BEND6: variants seen among roughly 807,000 people sequenced by gnomAD.
The protein encoded by BEND6 is BEN domain containing 6, also known as BEN domain-containing protein 6.
Under a neutral mutation model 31.8 loss-of-function variants are expected in BEND6, and 24 were observed. The ratio of observed to expected loss-of-function variants is 0.75; its 90% CI spans 0.55 to 1.06. The LOEUF (loss-of-function observed/expected upper bound fraction) is 1.06. BEND6 is among the 50% of genes least tolerant of loss of function. The pLI is 0.00. For synonymous variants in BEND6, 109 were observed against 114.6 expected, an observed-to-expected ratio of 0.95 and a Z score of 0.31; for missense variants, 294 against 327.4, an observed-to-expected ratio of 0.90 and a Z score of 0.79.
chr6:56,999,019 G>A (rs530847735), intron 3 of BEND6, among the ~76,000 whole-genome samples: 1 of 152,322 alleles, frequency 6.6e-6, no homozygotes, highest in South Asian at 2.1e-4. Context: ...TGAAGCCATG[G>A]TGCAGCAGTT....
intron 2 of BEND6, among the ~76,000 whole-genome samples, chr6:56,983,440 T>C (rs1347186635): frequency 6.6e-6 from 1 of 152,048 alleles, no homozygotes; most frequent in Admixed American, 6.6e-5. Flanking sequence ...TCCTCTGACT[T>C]ACATCTCCTC....
At chr6:56,970,815 G>A (rs1280267720) in intron 1 of BEND6, among the ~76,000 whole-genome samples, 1 of 152,134 alleles carries the variant, frequency 6.6e-6, no homozygotes, top group African/African-American at 2.4e-5. Flanking sequence ...TTGGTCTTGA[G>A]TGAATTGTGT....
intron 2 of BEND6, among the ~76,000 whole-genome samples, chr6:56,991,584 C>A (rs1826502781): frequency 6.6e-6 from 1 of 151,968 alleles, no homozygotes; most frequent in Admixed American, 6.6e-5. Flanking sequence ...CTGTCTTGAC[C>A]CCCTGGGCTC....
chr6:57,015,185 T>C lies in BEND6; in HGVS notation c.351T>C (p.Ala117=), dbSNP rs774865989. 6.2e-7 allele frequency: 1 copy of C among 1,614,160 alleles called. No homozygotes were observed. The highest frequency in any genetic ancestry group is 8.5e-7 in the Non-Finnish European group (1 of 1,180,022). The change falls in exon 4 of 7, where the codon GCT becomes GCC. Residue 117 remains alanine (A), a synonymous_variant. Coordinates refer to ENST00000370746, the MANE Select transcript of BEND6 (RefSeq NM_152731.3). ...AAGAATTGGTTGGTATGGCCGAGGC[T>C]CTGCTTAAGGGTGGGGGAACCATGT... ...QFEELVGMAE[A]LLKGGGTMST...
Position 56,992,669 on chromosome 6 carries a change from A to T in BEND6, c.298+114A>T, listed in dbSNP as rs1457722362. On this transcript the variant is annotated intron_variant, in intron 3 of 6. Coordinates refer to ENST00000370746, the MANE Select transcript of BEND6 (RefSeq NM_152731.3). ...AGAAAATCCACACCTCTGGGAGCTC[A>T]AAAAATCACAGTTTTAGAAAAAATC... The T allele has an allele frequency of 3.5e-6, 4 of 1,126,832 alleles. No homozygotes were observed. In the African/African-American group the frequency reaches 6.4e-5, roughly 18 times the overall value. The allele number at this position is 1,126,832 out of a possible 1,614,324, so 69.8% of individuals were successfully genotyped here.
At chr6:56,995,447 G>A (rs1826671439) in intron 3 of BEND6, among the ~76,000 whole-genome samples, 1 of 152,054 alleles carries the variant, frequency 6.6e-6, no homozygotes, top group Admixed American at 6.5e-5. Context: ...GCTAGCTAGG[G>A]CTGCAGTGAC....
At chr6:56,968,307 CT>C (rs1562535945) in intron 1 of BEND6, among the ~76,000 whole-genome samples, 1 of 106,494 alleles carries the variant, frequency 9.4e-6, no homozygotes, top group Non-Finnish European at 1.9e-5. Flanking sequence ...TTCTTTCTTT[CT>C]TTTCTTTTTT....
At chr6:57,004,096 A>G (rs749978413) in intron 3 of BEND6, among the ~76,000 whole-genome samples, 28 of 152,196 alleles carry the variant, frequency 1.8e-4, no homozygotes, top group Non-Finnish European at 3.4e-4. Flanking sequence ...AACCAGAAGC[A>G]TTGCTCTCGA....
At chr6:56,956,101 C>T (rs1824893727) in intron 1 of BEND6, among the ~76,000 whole-genome samples, 1 of 152,238 alleles carries the variant, frequency 6.6e-6, no homozygotes, top group Non-Finnish European at 1.5e-5. Context: ...TCTGCTGCCC[C>T]CAAGGCAATG....
At chr6:56,971,493 A>G (rs1241196335) in intron 1 of BEND6, among the ~76,000 whole-genome samples, 1 of 152,194 alleles carries the variant, frequency 6.6e-6, no homozygotes, top group Non-Finnish European at 1.5e-5. Context: ...ACCCAGGAGT[A>G]GAATTGCTGG....
chr6:56,998,986 C>G (rs1316696863), intron 3 of BEND6, among the ~76,000 whole-genome samples: 1 of 152,200 alleles, frequency 6.6e-6, no homozygotes, highest in Non-Finnish European at 1.5e-5. Flanking sequence ...GAGAAAATTG[C>G]TGGGTTCATC....
intron 3 of BEND6, among the ~76,000 whole-genome samples, chr6:56,999,494 TG>T (rs1562550707): frequency 6.6e-6 from 1 of 152,228 alleles, no homozygotes; most frequent in African/African-American, 2.4e-5. Context: ...GCAAAGAGCT[TG>T]GGGCCAAGGA....
intron 3 of BEND6, among the ~76,000 whole-genome samples, chr6:57,005,585 C>T (rs1459359486): frequency 2.6e-5 from 4 of 151,178 alleles, no homozygotes; most frequent in Non-Finnish European, 4.4e-5. Context: ...GAGGCTGAGG[C>T]GGGAGAATCG....
At chr6:56,958,568 C>T (rs1825176771) in intron 1 of BEND6, among the ~76,000 whole-genome samples, 1 of 152,204 alleles carries the variant, frequency 6.6e-6, no homozygotes, top group Admixed American at 6.5e-5. Flanking sequence ...ATCCAGCAAG[C>T]CCATGGAAAT....
At chr6:56,961,995 A>G (rs1825302950) in intron 1 of BEND6, among the ~76,000 whole-genome samples, 1 of 152,228 alleles carries the variant, frequency 6.6e-6, no homozygotes, top group South Asian at 2.1e-4. Context: ...TTGTTGTGAC[A>G]GTATTGGCAG....
chr6:56,987,593 C>A (rs1008688203), intron 2 of BEND6, among the ~76,000 whole-genome samples: 1 of 152,160 alleles, frequency 6.6e-6, no homozygotes, highest in African/African-American at 2.4e-5. Context: ...ATCCCCTTTC[C>A]CCCTAAAGGG....
intron 3 of BEND6, chr6:57,013,694 A>G (rs1396760734): frequency 2.0e-5 from 3 of 152,498 alleles, no homozygotes; most frequent in Non-Finnish European, 4.4e-5. Context: ...ATTCCAAGGA[A>G]CAGTTACTTC....
At chr6:57,015,734 G>C (rs985035193) in intron 4 of BEND6, among the ~76,000 whole-genome samples, 1 of 151,796 alleles carries the variant, frequency 6.6e-6, no homozygotes, top group East Asian at 1.9e-4. Context: ...GAACCCAGGA[G>C]GTGGAGCTTG....
intron 1 of BEND6, among the ~76,000 whole-genome samples, chr6:56,977,875 T>G (rs1825940312): frequency 6.6e-6 from 1 of 152,142 alleles, no homozygotes; most frequent in South Asian, 2.1e-4. Context: ...GAGGATCACT[T>G]GAGTCCAGGA....
Sources: allele counts gnomAD v4.1 joint callset (sites outside exome capture counted in the v4.1 genomes callset), GRCh38; gene constraint gnomAD v4.1.1; transcripts MANE v1.5; gene names NCBI Gene and HGNC (gene_info 2026-07-23, HGNC 2026-07-21).